KHDRBS2: variants seen among roughly 807,000 people sequenced by gnomAD.
KHDRBS2 encodes KH RNA binding domain containing, signal transduction associated 2, also known as KH domain-containing, RNA-binding, signal transduction-associated protein 2.
In KHDRBS2, 26 loss-of-function variants were observed where a neutral mutation model predicts 44.3. The observed-to-expected ratio is 0.59, with a 90% confidence interval of 0.43 to 0.81. KHDRBS2 has a LOEUF of 0.81. KHDRBS2 is among the 40% of genes least tolerant of loss of function. KHDRBS2 has a pLI of 0.00. For synonymous variants in KHDRBS2, 194 were observed against 151.1 expected, an observed-to-expected ratio of 1.28 and a Z score of -2.08; for missense variants, 476 against 433.1, an observed-to-expected ratio of 1.10 and a Z score of -0.88.
At chr6:62,048,085 A>G in intron 2 of KHDRBS2, 91 bp from the exon 3 acceptor site, 1 of 737,844 alleles carries the variant, frequency 1.4e-6, no homozygotes, top group Admixed American at 1.8e-5. Flanking sequence ...AGGTTTTCCA[A>G]ACTTTACCAC....
intron 4 of KHDRBS2, among the ~76,000 whole-genome samples, chr6:61,973,998 T>A (rs1438259711): frequency 1.3e-5 from 2 of 152,208 alleles, no homozygotes; most frequent in Non-Finnish European, 2.9e-5. Context: ...CCTTTCATCT[T>A]TTTAATGAAA....
At chr6:62,037,075 A>G (rs1785438462) in intron 3 of KHDRBS2, among the ~76,000 whole-genome samples, 1 of 151,968 alleles carries the variant, frequency 6.6e-6, no homozygotes, top group Non-Finnish European at 1.5e-5. Context: ...TGCCTTACTC[A>G]TATTATAAAA....
intron 6 of KHDRBS2, among the ~76,000 whole-genome samples, chr6:61,861,183 A>G (rs1796904474): frequency 6.6e-6 from 1 of 152,048 alleles, no homozygotes; most frequent in Non-Finnish European, 1.5e-5. Flanking sequence ...CTCTGTTCAT[A>G]GCTTCTTTTG....
intron 6 of KHDRBS2, among the ~76,000 whole-genome samples, chr6:61,786,965 C>T (rs1783915151): frequency 6.6e-6 from 1 of 150,728 alleles, no homozygotes; most frequent in Non-Finnish European, 1.5e-5. Flanking sequence ...CCCATAATTT[C>T]CTTCACATAA....
At chr6:61,974,933 AAAATAAATAAATAAAT>A (rs139333730) in intron 4 of KHDRBS2, among the ~76,000 whole-genome samples, 334 of 138,720 alleles carry the variant, frequency 2.4e-3, no homozygotes, top group South Asian at 2.3e-3. Flanking sequence ...TCCATCTTAA[AAAATAAATAAATAAAT>A]AAATAAATAA....
chr6:61,753,152 T>C (rs1056202142), intron 6 of KHDRBS2, among the ~76,000 whole-genome samples: 4 of 152,122 alleles, frequency 2.6e-5, no homozygotes, highest in Admixed American at 1.3e-4. Flanking sequence ...TGTTGCTCTT[T>C]CTTTCTCTCT....
chr6:62,237,977 TGCAGTGAGCAGTGA>T (rs150187166), intron 1 of KHDRBS2, among the ~76,000 whole-genome samples: 7 of 150,476 alleles, frequency 4.7e-5, no homozygotes, highest in South Asian at 4.2e-4. Context: ...AGGCGGAGGT[TGCAGTGAGCAGTGA>T]GCAGTGAGCA....
intron 6 of KHDRBS2, among the ~76,000 whole-genome samples, chr6:61,791,587 A>G (rs549084473): frequency 6.6e-6 from 1 of 151,660 alleles, no homozygotes; most frequent in South Asian, 2.1e-4. Flanking sequence ...TATTTGTTTT[A>G]GAGTCTTTTC....
chr6:62,214,906 T>G (rs577006166), intron 1 of KHDRBS2, among the ~76,000 whole-genome samples: 1 of 152,020 alleles, frequency 6.6e-6, no homozygotes, highest in Non-Finnish European at 1.5e-5. Context: ...ATTCCAACTG[T>G]ACGTTCTTCT....
At chr6:61,580,505 A>C in the KHDRBS2 span, among the ~76,000 whole-genome samples, 1 of 151,954 alleles carries the variant, frequency 6.6e-6, no homozygotes. Context: ...CTTCACAATA[A>C]ATCTTGCTGC....
chr6:62,112,856 A>G (rs1287206461), intron 2 of KHDRBS2, among the ~76,000 whole-genome samples: 1 of 152,110 alleles, frequency 6.6e-6, no homozygotes, highest in Non-Finnish European at 1.5e-5. Flanking sequence ...TTAGCTAGTG[A>G]TCTTCCCTGG....
At chr6:62,275,623 T>C (rs1840808331) in intron 1 of KHDRBS2, among the ~76,000 whole-genome samples, 1 of 152,200 alleles carries the variant, frequency 6.6e-6, no homozygotes, top group African/African-American at 2.4e-5. Context: ...AAAATTATTT[T>C]AAAGGAAACA....
chr6:61,544,274 G>A, the KHDRBS2 span, among the ~76,000 whole-genome samples: 2 of 151,846 alleles, frequency 1.3e-5, no homozygotes, highest in Non-Finnish European at 2.9e-5. Flanking sequence ...TTTTAAAAAA[G>A]CATTATTCTT....
intron 6 of KHDRBS2, among the ~76,000 whole-genome samples, chr6:61,817,193 C>T (rs1013283473): frequency 1.3e-5 from 2 of 152,052 alleles, no homozygotes; most frequent in Non-Finnish European, 2.9e-5. Flanking sequence ...TTACATTTGA[C>T]AGTACATTAC....
At chr6:61,760,524 T>A (rs1446002719) in intron 6 of KHDRBS2, among the ~76,000 whole-genome samples, 1 of 151,872 alleles carries the variant, frequency 6.6e-6, no homozygotes, top group African/African-American at 2.4e-5. Flanking sequence ...TCCCAGCTAC[T>A]TGGGAGGCTG....
At chr6:61,547,351 T>C in the KHDRBS2 span, among the ~76,000 whole-genome samples, 52 of 152,258 alleles carry the variant, frequency 3.4e-4, no homozygotes, top group Non-Finnish European at 6.6e-4. Context: ...TTTATTAAAC[T>C]TTCTATAATT....
intron 2 of KHDRBS2, among the ~76,000 whole-genome samples, chr6:62,069,529 G>T (rs900792984): frequency 1.3e-5 from 2 of 151,590 alleles, no homozygotes; most frequent in Non-Finnish European, 3.0e-5. Context: ...CTTCATATAG[G>T]TCTCATGGTG....
At chr6:62,174,521 T>G (rs1372962359) in intron 2 of KHDRBS2, among the ~76,000 whole-genome samples, 1 of 151,826 alleles carries the variant, frequency 6.6e-6, no homozygotes, top group Non-Finnish European at 1.5e-5. Flanking sequence ...ATTTTTATAA[T>G]TTTTATAAAT....
At chr6:61,753,845 G>A (rs553379340) in intron 6 of KHDRBS2, among the ~76,000 whole-genome samples, 28 of 152,224 alleles carry the variant, frequency 1.8e-4, no homozygotes, top group African/African-American at 6.0e-4. Context: ...CTTGAGATGA[G>A]GAGATTAACC....
Sources: gnomAD v4.1 joint callset for allele counts (sites outside exome capture counted in the v4.1 genomes callset) on GRCh38, gnomAD v4.1.1 for gene constraint, MANE v1.5 for transcripts, NCBI Gene and HGNC (gene_info 2026-07-23, HGNC 2026-07-21) for gene names.